NAALADL2: variants seen among roughly 807,000 people sequenced by gnomAD.
NAALADL2 encodes the protein N-acetylated alpha-linked acidic dipeptidase like 2, also known as inactive N-acetylated-alpha-linked acidic dipeptidase-like protein 2.
NAALADL2 carries 76 observed loss-of-function variants against 87.2 expected under a neutral mutation model. That is an observed-to-expected ratio of 0.87 (90% CI 0.72 to 1.05). NAALADL2 has a LOEUF of 1.05. Ranked by LOEUF, NAALADL2 falls within the 50% of genes least tolerant of loss-of-function variation. The pLI is 0.00. For missense variants in NAALADL2, 1,089 were observed against 945.8 expected (o/e 1.15, Z -1.99); for synonymous variants, 354 against 331.0 (o/e 1.07, Z -0.75).
intron 5 of NAALADL2, among the ~76,000 whole-genome samples, chr3:175,372,631 A>G (rs562556167): frequency 6.6e-6 from 1 of 152,334 alleles, no homozygotes; most frequent in African/African-American, 2.4e-5. Flanking sequence ...TAAAGTCCTG[A>G]CCAACATATG....
chr3:175,214,679 A>G (rs1301971674), intron 2 of NAALADL2, among the ~76,000 whole-genome samples: 1 of 152,204 alleles, frequency 6.6e-6, no homozygotes, highest in African/African-American at 2.4e-5. Context: ...AAGGTAGTAA[A>G]GGCATTATGA....
chr3:175,281,573 A>G (rs1754316777), intron 4 of NAALADL2, among the ~76,000 whole-genome samples: 1 of 152,010 alleles, frequency 6.6e-6, no homozygotes, highest in African/African-American at 2.4e-5. Context: ...GTGTATCTGT[A>G]CCAGTGAGTT....
intron 3 of NAALADL2, among the ~76,000 whole-genome samples, chr3:174,772,290 A>G (rs1714670715): frequency 6.6e-6 from 1 of 152,152 alleles, no homozygotes; most frequent in African/African-American, 2.4e-5. Flanking sequence ...AGCATAATTT[A>G]TTACTACATT....
intron 5 of NAALADL2, among the ~76,000 whole-genome samples, chr3:175,406,603 T>C (rs370509188): frequency 2.0e-5 from 3 of 152,178 alleles, no homozygotes; most frequent in African/African-American, 4.8e-5. Context: ...TTTTTGAAAA[T>C]GATATGGTTA....
intron 1 of NAALADL2, among the ~76,000 whole-genome samples, chr3:174,941,661 T>C (rs556337040): frequency 5.3e-5 from 8 of 152,190 alleles, no homozygotes; most frequent in Non-Finnish European, 1.0e-4. Flanking sequence ...AAGAACTTGT[T>C]TTAGGTATCT....
intron 9 of NAALADL2, among the ~76,000 whole-genome samples, chr3:175,525,305 T>G (rs1413282613): frequency 2.0e-5 from 3 of 152,152 alleles, no homozygotes; most frequent in Non-Finnish European, 4.4e-5. Context: ...AGGACAAAGC[T>G]CAAAATTAAC....
chr3:175,385,609 A>G lies in NAALADL2; in HGVS notation c.1090+61284A>G, dbSNP rs914475607. On this transcript the variant is annotated intron_variant, in intron 5 of 13. Coordinates refer to ENST00000454872, the MANE Select transcript of NAALADL2 (RefSeq NM_207015.3). ...ACATTAATCAATTGTACATGTCAAA[A>G]TAGCTAGAAGAGAATAATTCAAATA... Among the ~76,000 whole-genome samples, 3 of 152,182 alleles carry G rather than the reference A, an allele frequency of 2.0e-5. No individual in the cohort carries two copies. The East Asian group carries it at 5.8e-4, about 29-fold the overall frequency.
At position 175,649,544 on chromosome 3, in the gene NAALADL2, A is replaced by G. The variant is rs944531260; in HGVS notation, c.1896+22158A>G. On this transcript the variant is annotated intron_variant, in intron 11 of 13. Transcript: ENST00000454872. The stretch of plus-strand genomic sequence containing the variant: ...TGGAGGCGGGGAAGTTCAAGGTGCC[A>G]GGAGGGTTGGTATCTGGTAAGAGTC... Among the ~76,000 whole-genome samples the G allele has an allele frequency of 2.6e-5, 4 of 152,280 alleles. No individual in the cohort carries two copies. The East Asian group carries it at 5.8e-4, about 22-fold the overall frequency.
At chr3:174,894,863 A>G (rs1438329318) in intron 1 of NAALADL2, among the ~76,000 whole-genome samples, 1 of 152,086 alleles carries the variant, frequency 6.6e-6, no homozygotes, top group Non-Finnish European at 1.5e-5. Context: ...GAATGAAACT[A>G]GAAATAACAA....
intron 13 of NAALADL2, among the ~76,000 whole-genome samples, chr3:175,794,536 T>C (rs891835849): frequency 6.6e-6 from 1 of 152,188 alleles, no homozygotes; most frequent in African/African-American, 2.4e-5. Context: ...TGTTAAACTA[T>C]CGAGCACTGT....
chr3:174,984,036 C>T (rs1414469587), intron 1 of NAALADL2, among the ~76,000 whole-genome samples: 1 of 152,060 alleles, frequency 6.6e-6, no homozygotes, highest in Non-Finnish European at 1.5e-5. Flanking sequence ...CATCTTCAGA[C>T]CTTTATTTGT....
chr3:174,787,621 A>ATAC (rs1578931205), intron 3 of NAALADL2, among the ~76,000 whole-genome samples: 1 of 109,240 alleles, frequency 9.2e-6, no homozygotes, highest in Non-Finnish European at 2.0e-5. Flanking sequence ...ATATATATAT[A>ATAC]GTAGTGACTC....
chr3:174,780,933 T>G (rs1355599440), intron 3 of NAALADL2, among the ~76,000 whole-genome samples: 3 of 152,082 alleles, frequency 2.0e-5, no homozygotes, highest in African/African-American at 7.2e-5. Flanking sequence ...TTCCTTTCCA[T>G]GTTTAGTGCT....
intron 4 of NAALADL2, among the ~76,000 whole-genome samples, chr3:175,273,213 G>T (rs926207376): frequency 2.0e-5 from 3 of 151,962 alleles, no homozygotes; most frequent in African/African-American, 7.3e-5. Flanking sequence ...CTTATTGTAG[G>T]TTGCAATATA....
intron 2 of NAALADL2, among the ~76,000 whole-genome samples, chr3:174,584,015 A>G (rs2108567107): frequency 6.6e-6 from 1 of 152,278 alleles, no homozygotes; most frequent in Admixed American, 6.5e-5. Flanking sequence ...TGTTATCATT[A>G]TCTAAAAAGG....
rs1389165182 is a variant in NAALADL2, at chr3:175,629,372, AT to A, written c.1896+1987del. ...AATTCATATACATTCCTATATATAT[AT>A]GAATATATATATATTTAAATGAATT... is the stretch of plus-strand genomic sequence containing the variant. On this transcript the variant is annotated intron_variant, in intron 11 of 13. Transcript: ENST00000454872. Among the ~76,000 whole-genome samples the A allele has an allele frequency of 2.2e-5, 3 of 133,480 alleles. No homozygotes were observed. In the East Asian group the frequency reaches 6.0e-4, roughly 27 times the overall value. The allele number at this position is 133,480 out of a possible 152,430, so 87.6% of individuals were successfully genotyped here.
chr3:174,983,855 A>C (rs1263439514), intron 1 of NAALADL2, among the ~76,000 whole-genome samples: 1 of 152,204 alleles, frequency 6.6e-6, no homozygotes, highest in East Asian at 1.9e-4. Context: ...TGAATTAGCT[A>C]GCCCTGAGAA....
At chr3:175,477,320 T>A (rs1725835010) in intron 9 of NAALADL2, among the ~76,000 whole-genome samples, 1 of 152,178 alleles carries the variant, frequency 6.6e-6, no homozygotes, top group African/African-American at 2.4e-5. Flanking sequence ...CGAACCTGAC[T>A]CTGTATTGAC....
At chr3:175,096,349 G>T (rs528436098) in intron 1 of NAALADL2, among the ~76,000 whole-genome samples, 1 of 151,740 alleles carries the variant, frequency 6.6e-6, no homozygotes. Context: ...TTACCAAATC[G>T]CAGCTTTATT....
Sources: allele counts gnomAD v4.1 joint callset (sites outside exome capture counted in the v4.1 genomes callset), GRCh38; gene constraint gnomAD v4.1.1; transcripts MANE v1.5; gene names NCBI Gene and HGNC (gene_info 2026-07-23, HGNC 2026-07-21).